HAPLN3: variants seen among roughly 807,000 people sequenced by gnomAD.
HAPLN3 encodes the protein extracellular link domain containing, 1.
A neutral mutation model predicts 28.1 loss-of-function variants in HAPLN3; 28 were observed. The observed-to-expected ratio is 1.00, with a 90% CI of 0.74 to 1.37. HAPLN3 has a LOEUF of 1.37. Ranked by LOEUF, HAPLN3 falls within the 40% of genes most tolerant of loss-of-function variation. The probability of loss-of-function intolerance (pLI) is 0.00; values close to 1 mark genes in which losing one functional copy is unlikely to be tolerated. For synonymous variants in HAPLN3, 211 were observed against 213.1 expected (o/e 0.99, Z 0.09); for missense variants, 513 against 504.6 (o/e 1.02, Z -0.16).
At chr15:88,887,024 C>A in intron 2 of HAPLN3, 151 bp downstream of exon 2, 1 of 825,594 alleles carries the variant, frequency 1.2e-6, no homozygotes, top group South Asian at 1.5e-5. Context: ...ACCCCTTCCC[C>A]TGTCTGAGAA....
At chr15:88,889,853 A>C (rs1897963389) in intron 1 of HAPLN3, among the ~76,000 whole-genome samples, 1 of 152,250 alleles carries the variant, frequency 6.6e-6, no homozygotes, top group African/African-American at 2.4e-5. Context: ...TAGACAAAGC[A>C]GAACATACAA....
intron 4 of HAPLN3, among the ~76,000 whole-genome samples, chr15:88,878,482 C>G (rs959071107): frequency 2.6e-5 from 4 of 152,210 alleles, no homozygotes; most frequent in African/African-American, 9.6e-5. Context: ...CCCCACCACC[C>G]TTCCCTATTT....
Position 88,879,346 on chromosome 15 carries a change from T to A in HAPLN3, c.494-77A>T. ...TGGACACCCCGCTCTCCTCCCACCT[T>A]CACTGGGACATGTGCTGCCTGCAAC... On this transcript the variant is annotated intron_variant, in intron 3 of 4. Coordinates refer to ENST00000359595, the MANE Select transcript of HAPLN3 (RefSeq NM_178232.4). The surrounding 1 kb of genome is among the most constrained non-coding windows in gnomAD (Gnocchi z 5.0). The A allele has an allele frequency of 6.3e-7, 1 of 1,591,654 alleles. No homozygotes were observed. The highest frequency in any genetic ancestry group is 8.5e-7 in the Non-Finnish European group (1 of 1,176,114).
Position 88,878,077 on chromosome 15 carries a change from C to G in HAPLN3, c.976G>C (p.Val326Leu). ...LADGSVRYPV[V>L]HPHPNCGPPE... ...GGCCCACAGTTAGGATGCGGGTGAA[C>G]CACAGGGTAGCGGACGCTACCATCT... The change falls in exon 5 of 5, where the codon GTT becomes CTT. Residue 326 changes from valine (V) to leucine (L), a missense_variant. By Grantham distance (32) the Val-to-Leu change is conservative. Transcript: ENST00000359595. 6.2e-7 allele frequency: 1 copy of G among 1,614,068 alleles called. No homozygotes were observed. Among genetic ancestry groups the G allele is most frequent in the Admixed American group, 1.7e-5 (1 of 60,020 alleles).
intron 4 of HAPLN3, 105 bp from the exon 5 acceptor site, chr15:88,878,361 G>T: frequency 9.5e-7 from 1 of 1,048,600 alleles, no homozygotes; most frequent in Admixed American, 2.2e-5. Context: ...AGCCCAGGGA[G>T]CTACCATACT....
At chr15:88,889,366 C>T (rs1048823928) in intron 1 of HAPLN3, among the ~76,000 whole-genome samples, 1 of 152,086 alleles carries the variant, frequency 6.6e-6, no homozygotes, top group African/African-American at 2.4e-5. Context: ...GATAGAATCT[C>T]ACTCTGTTGT....
At chr15:88,878,919 C>G (rs1329897419) in intron 4 of HAPLN3, 48 bp downstream of exon 4, 1 of 1,534,926 alleles carries the variant, frequency 6.5e-7, no homozygotes, top group Admixed American at 2.0e-5. Context: ...CTCACAGGTC[C>G]CAGGTGGCCA....
rs1794623592 is a variant in HAPLN3 at position 88,881,158 on chromosome 15, C to T, written c.493+199G>A. On this transcript the variant is annotated intron_variant, in intron 3 of 4. Transcript: ENST00000359595. This position sits in a 1 kb window ranked among gnomAD's most constrained non-coding sequence, Gnocchi z 6.0. ...CTCTGTCGTTTACAAGCTGTGTGACCTTAGGTAAGTTACTTGACCTCTCTG... is the reference window on the plus strand; with the variant it reads ...CTCTGTCGTTTACAAGCTGTGTGACTTTAGGTAAGTTACTTGACCTCTCTG... The T allele has an allele frequency of 1.5e-6, 1 of 660,274 alleles. No homozygotes were observed. The highest frequency in any genetic ancestry group is 3.1e-5 in the Admixed American group (1 of 32,040). 40.9% of individuals were successfully genotyped at this position (660,274 alleles called of 1,614,324 possible). A position where few individuals can be genotyped will look rare whatever the true frequency, so the allele number is the denominator to read the frequency against.
chr15:88,887,701 C>T (rs1283892432), intron 1 of HAPLN3, among the ~76,000 whole-genome samples: 1 of 152,150 alleles, frequency 6.6e-6, no homozygotes, highest in Non-Finnish European at 1.5e-5. Context: ...TGGTGGCTCA[C>T]GCTTATAATC....
chr15:88,888,075 A>G lies in HAPLN3; in HGVS notation c.-47-730T>C, dbSNP rs1293640415. Among the ~76,000 whole-genome samples, 1 of 152,036 alleles carries G rather than the reference A, an allele frequency of 6.6e-6. No homozygotes were observed. Among genetic ancestry groups the G allele is most frequent in the African/African-American group, 2.4e-5 (1 of 41,412 alleles). The stretch of plus-strand genomic sequence containing the variant: ...TATCAGGGTGAATAGAGGGTATGTT[A>G]AGTAAAGATGAGTCCTGCATTGTGA... On this transcript the variant is annotated intron_variant, in intron 1 of 4. Transcript: ENST00000359595. The surrounding 1 kb of genome is among the most constrained non-coding windows in gnomAD (Gnocchi z 4.1).
chr15:88,877,769 G>A lies in HAPLN3; in HGVS notation c.*201C>T. ...GCAAATGGCCCAGGGGAGCAAGCAT[G>A]ATTCCTGGAGTGGGGCATCCAGGAG... On this transcript the variant is annotated 3_prime_UTR_variant, in exon 5 of 5. Transcript: ENST00000359595. This position sits in a 1 kb window ranked among gnomAD's most constrained non-coding sequence, Gnocchi z 5.1. The A allele has an allele frequency of 1.7e-6, 1 of 587,600 alleles. No individual in the cohort carries two copies. The highest frequency in any genetic ancestry group is 2.9e-6 in the Non-Finnish European group (1 of 341,464). The allele number at this position is 587,600 out of a possible 1,614,324, so 36.4% of individuals were successfully genotyped here.
Position 88,895,185 on chromosome 15 carries a change from C to A in HAPLN3, c.-48+274G>T, listed in dbSNP as rs550892131. 3.3e-5 allele frequency among the ~76,000 whole-genome samples: 5 copies of A among 152,138 alleles called. No homozygotes were observed. The highest frequency in any genetic ancestry group is 1.9e-4 in the East Asian group (1 of 5,158). ...AGGCGGACGGTGGTCTCGGAGGCCA[C>A]GGGGTCCGCTCGGGCTCTGCTCCCT... On this transcript the variant is annotated intron_variant, in intron 1 of 4. Transcript: ENST00000359595. The surrounding 1 kb of genome is among the most constrained non-coding windows in gnomAD (Gnocchi z 5.5).
intron 2 of HAPLN3, among the ~76,000 whole-genome samples, chr15:88,884,444 G>A (rs1897791895): frequency 6.6e-6 from 1 of 151,928 alleles, no homozygotes; most frequent in Non-Finnish European, 1.5e-5. Flanking sequence ...GATGCCTGTA[G>A]TCCCAGCTAC....
chr15:88,883,528 C>T (rs1189594710), intron 2 of HAPLN3, among the ~76,000 whole-genome samples: 9 of 152,198 alleles, frequency 5.9e-5, no homozygotes, highest in African/African-American at 2.2e-4. Context: ...TGAAGCAGGG[C>T]TATCATTTAG....
Position 88,881,996 on chromosome 15 carries a change from T to A in HAPLN3, c.125-271A>T, listed in dbSNP as rs574777319. ...ATGCCTTGGAAGTGACTGTTATCCA[T>A]CATGCCTGCTCTGAGCATAGGTCCC... On this transcript the variant is annotated intron_variant, in intron 2 of 4. Coordinates refer to ENST00000359595, the MANE Select transcript of HAPLN3 (RefSeq NM_178232.4). This position sits in a 1 kb window ranked among gnomAD's most constrained non-coding sequence, Gnocchi z 6.0. Among the ~76,000 whole-genome samples, 7 of 152,344 alleles carry A rather than the reference T, an allele frequency of 4.6e-5. No homozygotes were observed. Among genetic ancestry groups the A allele is most frequent in the African/African-American group, 1.7e-4 (7 of 41,588 alleles).
rs186924437 is a variant in HAPLN3, at chr15:88,889,812, C to T, written c.-47-2467G>A. On this transcript the variant is annotated intron_variant, in intron 1 of 4. Transcript: ENST00000359595. Reference sequence around the variant, plus strand: ...CATAACTATGATTATCATGTAGCAACGTGGAAGAATGCTTAGGGTGTAAGT... The same window carrying T: ...CATAACTATGATTATCATGTAGCAATGTGGAAGAATGCTTAGGGTGTAAGT... Among the ~76,000 whole-genome samples, 11 of 152,302 alleles carry T rather than the reference C, an allele frequency of 7.2e-5. No homozygotes were observed. The East Asian group carries it at 1.9e-3, about 27-fold the overall frequency.
chr15:88,890,046 G>A (rs1283678639), intron 1 of HAPLN3, among the ~76,000 whole-genome samples: 1 of 149,634 alleles, frequency 6.7e-6, no homozygotes, highest in African/African-American at 2.5e-5. Flanking sequence ...AAGGAAGGAA[G>A]GAAGGAAAGG....
At chr15:88,891,670 CA>C (rs1898016387) in intron 1 of HAPLN3, among the ~76,000 whole-genome samples, 1 of 152,154 alleles carries the variant, frequency 6.6e-6, no homozygotes, top group Non-Finnish European at 1.5e-5. Context: ...ATGGAAAAAC[CA>C]AGGCACAGAG....
Position 88,881,416 on chromosome 15 carries a change from C to T in HAPLN3, c.434G>A (p.Arg145His), listed in dbSNP as rs747082200. ...CTCCAGCCCGTCAATGACCTCACAGCGGTAACGCCCATAGTCCTCCAGCCG... is the reference window on the plus strand; with the variant it reads ...CTCCAGCCCGTCAATGACCTCACAGTGGTAACGCCCATAGTCCTCCAGCCG... ...DLRLEDYGRY[R>H]CEVIDGLEDE... The change falls in exon 3 of 5, where the codon CGC becomes CAC. Residue 145 changes from arginine (R) to histidine (H), a missense_variant. Coordinates refer to ENST00000359595, the MANE Select transcript of HAPLN3 (RefSeq NM_178232.4). This position sits in a 1 kb window ranked among gnomAD's most constrained non-coding sequence, Gnocchi z 6.0. The T allele has an allele frequency of 1.4e-5, 22 of 1,613,824 alleles. No homozygotes were observed. In the East Asian group the frequency reaches 1.8e-4, roughly 13 times the overall value.
Sources: gnomAD v4.1 joint callset for allele counts (sites outside exome capture counted in the v4.1 genomes callset) on GRCh38, gnomAD v4.1.1 for gene constraint, Gnocchi (gnomAD v3.1) non-coding constraint, MANE v1.5 for transcripts, NCBI Gene and HGNC (gene_info 2026-07-23, HGNC 2026-07-21) for gene names.